COL1A2: variants seen among roughly 807,000 people sequenced by gnomAD.
COL1A2 encodes collagen alpha-2(I) chain.
A neutral mutation model predicts 174.3 loss-of-function variants in COL1A2; 49 were observed. That is an observed-to-expected ratio of 0.28 (90% CI 0.22 to 0.36). COL1A2 has a LOEUF of 0.36. COL1A2 is among the 10% of genes least tolerant of loss of function. COL1A2 has a pLI of 1.00. For missense variants in COL1A2, 1,438 were observed against 1,822.7 expected (o/e 0.79, Z 3.84); for synonymous variants, 655 against 606.6 (o/e 1.08, Z -1.17).
chr7:94,403,966 C>T (rs967095017), intron 6 of COL1A2, among the ~76,000 whole-genome samples: 3 of 152,132 alleles, frequency 2.0e-5, no homozygotes, highest in Admixed American at 6.5e-5. Context: ...TTCCAGAAGG[C>T]TGTTTCAATA....
chr7:94,408,477 AC>A, intron 15 of COL1A2, 97 bp downstream of exon 15: 1 of 1,397,408 alleles, frequency 7.2e-7, no homozygotes, highest in Non-Finnish European at 1.0e-6. Context: ...CATTTCAGAC[AC>A]TTTACCAAAT....
At chr7:94,419,422 G>GA in intron 33 of COL1A2, 76 bp from the exon 34 acceptor site, 1 of 1,534,238 alleles carries the variant, frequency 6.5e-7, no homozygotes, top group Non-Finnish European at 9.0e-7. Flanking sequence ...TATAAGCACA[G>GA]AAAAAAAGAA....
At chr7:94,397,101 CTAATT>C (rs1791599815) in intron 1 of COL1A2, among the ~76,000 whole-genome samples, 1 of 151,530 alleles carries the variant, frequency 6.6e-6, no homozygotes, top group Admixed American at 6.6e-5. Context: ...ATGATCTTAC[CTAATT>C]TAAGTGAACT....
chr7:94,417,202 T>A (rs1792060158), intron 31 of COL1A2, among the ~76,000 whole-genome samples: 1 of 152,110 alleles, frequency 6.6e-6, no homozygotes, highest in African/African-American at 2.4e-5. Context: ...CACGGTTTTG[T>A]GAGGTAGTAC....
At chr7:94,424,223 A>G in intron 40 of COL1A2, 113 bp from the exon 41 acceptor site, 1 of 825,276 alleles carries the variant, frequency 1.2e-6, no homozygotes, top group Admixed American at 1.9e-5. Context: ...TAGTAATAGG[A>G]GGTCATTAGC....
At chr7:94,398,537 A>G (rs1017662481) in intron 3 of COL1A2, 141 bp downstream of exon 3, 3 of 339,140 alleles carry the variant, frequency 8.8e-6, no homozygotes, top group African/African-American at 6.6e-5. Context: ...AGCATAAAAT[A>G]AAGTAGCTTT....
intron 9 of COL1A2, 31 bp downstream of exon 9, chr7:94,404,923 T>C (rs1435958498): frequency 6.2e-7 from 1 of 1,612,746 alleles, no homozygotes; most frequent in African/African-American, 1.3e-5. Flanking sequence ...ACTTTCAAAA[T>C]GCTATTTAAA....
intron 5 of COL1A2, among the ~76,000 whole-genome samples, chr7:94,400,922 C>T (rs1183190541): frequency 6.6e-6 from 1 of 152,094 alleles, no homozygotes; most frequent in Non-Finnish European, 1.5e-5. Flanking sequence ...CCTTTCTCCC[C>T]CAAAGATCTT....
At chr7:94,419,642 C>A in intron 34 of COL1A2, 91 bp downstream of exon 34, 2 of 1,395,698 alleles carry the variant, frequency 1.4e-6, no homozygotes, top group East Asian at 4.6e-5. Context: ...ATTTTTATGG[C>A]TTGGTATAAA....
At chr7:94,405,320 A>T (rs1181761871) in intron 10 of COL1A2, 68 bp downstream of exon 10, 1 of 1,421,144 alleles carries the variant, frequency 7.0e-7, no homozygotes, top group African/African-American at 1.4e-5. Context: ...TAAAACTAGC[A>T]TCAATCTAAA....
intron 1 of COL1A2, among the ~76,000 whole-genome samples, chr7:94,396,900 G>C (rs1159677778): frequency 6.6e-6 from 1 of 152,080 alleles, no homozygotes; most frequent in African/African-American, 2.4e-5. Flanking sequence ...GGCCACACTT[G>C]TATCCTGTAT....
chr7:94,430,417 A>T lies in COL1A2; in HGVS notation c.*24A>T. The T allele has an allele frequency of 6.2e-7, 1 of 1,609,444 alleles. No homozygotes were observed. The highest frequency in any genetic ancestry group is 8.5e-7 in the Non-Finnish European group (1 of 1,178,688). On this transcript the variant is annotated 3_prime_UTR_variant, in exon 52 of 52. Coordinates refer to ENST00000297268, the MANE Select transcript of COL1A2 (RefSeq NM_000089.4). Reference sequence around the variant, plus strand: ...AAATGAACTCAATCTAAATTAAAAAAGAAAGAAATTTGAAAAAACTTTCTC... The same window carrying T: ...AAATGAACTCAATCTAAATTAAAAATGAAAGAAATTTGAAAAAACTTTCTC...
chr7:94,428,412 T>C lies in COL1A2; in HGVS notation c.3646T>C (p.Trp1216Arg). ...AQPENIPAKN[W>R]YRSSKDKKHV... The stretch of plus-strand genomic sequence containing the variant: ...ACCTGAAAACATCCCAGCCAAGAAC[T>C]GGTATAGGAGCTCCAAGGACAAGAA... Residue 1216 changes from tryptophan (W) to arginine (R), a missense_variant, in exon 50 of 52, where the codon TGG (tryptophan) becomes CGG (arginine). Trp to Arg is a moderately radical substitution (Grantham distance 101). This residue lies in a region of COL1A2 where 290 missense variants were observed against 298.1 expected (regional missense o/e 0.97). Transcript: ENST00000297268. The C allele has an allele frequency of 1.9e-6, 3 of 1,614,078 alleles. No individual in the cohort carries two copies. Among genetic ancestry groups the C allele is most frequent in the Non-Finnish European group, 2.5e-6 (3 of 1,179,988 alleles).
chr7:94,426,146 CTT>C, intron 45 of COL1A2, 95 bp downstream of exon 45: 1 of 1,231,660 alleles, frequency 8.1e-7, no homozygotes, highest in Non-Finnish European at 1.2e-6. Context: ...ATCAGCTAGA[CTT>C]AATATTTTTT....
At chr7:94,401,545 T>A in intron 5 of COL1A2, 22 bp from the exon 6 acceptor site, 6 of 567,614 alleles carry the variant, frequency 1.1e-5, no homozygotes, top group South Asian at 1.1e-4. Context: ...ATATATATAA[T>A]TTTTTTTTTT....
intron 51 of COL1A2, 104 bp from the exon 52 acceptor site, chr7:94,430,143 A>G (rs1026369173): frequency 6.0e-6 from 7 of 1,172,400 alleles, no homozygotes; most frequent in Admixed American, 5.3e-5. Context: ...ACATCTTCAG[A>G]ATGACACATG....
At chr7:94,409,063 T>A (rs892918988) in intron 16 of COL1A2, among the ~76,000 whole-genome samples, 3 of 152,146 alleles carry the variant, frequency 2.0e-5, no homozygotes, top group Non-Finnish European at 2.9e-5. Flanking sequence ...TCTCTAGGAC[T>A]AGTTAGTTAG....
chr7:94,398,506 A>T, intron 3 of COL1A2, 110 bp downstream of exon 3: 1 of 430,092 alleles, frequency 2.3e-6, no homozygotes, highest in Admixed American at 4.2e-5. Flanking sequence ...AATTTTGTTC[A>T]TATGAATATA....
Position 94,430,637 on chromosome 7 carries a change from T to C in COL1A2, c.*244T>C, listed in dbSNP as rs1792383131. ...TTTTTCAACACTCTTACACCTGTTA[T>C]GGAAAATGTCAACCTTTGTAAGAAA... On this transcript the variant is annotated 3_prime_UTR_variant, in exon 52 of 52. Coordinates refer to ENST00000297268, the MANE Select transcript of COL1A2 (RefSeq NM_000089.4). 1 of 475,402 alleles carries C rather than the reference T, an allele frequency of 2.1e-6. No individual in the cohort carries two copies. Among genetic ancestry groups the C allele is most frequent in the Non-Finnish European group, 3.7e-6 (1 of 269,260 alleles). 29.4% of individuals were successfully genotyped at this position (475,402 alleles called of 1,614,324 possible).
Sources: gnomAD v4.1 joint callset for allele counts (sites outside exome capture counted in the v4.1 genomes callset) on GRCh38, gnomAD v4.1.1 for gene constraint, gnomAD v4.1.1 regional missense constraint, MANE v1.5 for transcripts, NCBI Gene and HGNC (gene_info 2026-07-23, HGNC 2026-07-21) for gene names.